DMD: variants seen among roughly 807,000 people sequenced by gnomAD.
DMD encodes dystrophin.
A neutral mutation model predicts 330.1 loss-of-function variants in DMD; 63 were observed. The ratio of observed to expected loss-of-function variants is 0.19; its 90% CI spans 0.16 to 0.24. The LOEUF (loss-of-function observed/expected upper bound fraction) is 0.24, where lower values mean the gene tolerates loss of function less well. Among genes scored for constraint, DMD ranks in the 10% least tolerant of loss-of-function variants. The pLI is 1.00. For synonymous variants in DMD, 1,223 were observed against 959.8 expected (o/e 1.27, Z -5.07); for missense variants, 3,344 against 2,684.1 (o/e 1.25, Z -5.43).
intron 62 of DMD, among the ~76,000 whole-genome samples, chrX:31,312,895 T>C (rs1043103865): frequency 3.6e-5 from 4 of 109,853 alleles, no homozygotes; most frequent in African/African-American, 1.3e-4. Context: ...CAAGTGAGAG[T>C]TGAACATTAA....
intron 55 of DMD, among the ~76,000 whole-genome samples, chrX:31,623,424 C>G (rs937925264): frequency 1.8e-5 from 2 of 110,689 alleles, no homozygotes; most frequent in African/African-American, 6.6e-5. Context: ...CCACCACACC[C>G]GGCTAATTTT....
chrX:32,396,693 T>C (rs2098046790), intron 30 of DMD, among the ~76,000 whole-genome samples: 1 of 111,622 alleles, frequency 9.0e-6, no homozygotes, highest in African/African-American at 3.2e-5. Flanking sequence ...TTAATAATAA[T>C]TCAATTCATT....
chrX:31,833,310 GA>G (rs1258774129), intron 49 of DMD, among the ~76,000 whole-genome samples: 1 of 65,447 alleles, frequency 1.5e-5, no homozygotes, highest in African/African-American at 8.4e-5. Context: ...GGGAGAGAGG[GA>G]GAGAGGGAGA....
At chrX:32,095,952 A>G (rs928143384) in intron 44 of DMD, among the ~76,000 whole-genome samples, 2 of 110,536 alleles carry the variant, frequency 1.8e-5, no homozygotes, top group African/African-American at 6.6e-5. Context: ...CATGTGCACA[A>G]CATGCAGGTT....
intron 44 of DMD, among the ~76,000 whole-genome samples, chrX:32,187,852 G>A (rs752103045): frequency 9.0e-6 from 1 of 110,669 alleles, no homozygotes; most frequent in South Asian, 3.7e-4. Flanking sequence ...AACAAAGCAC[G>A]AACACGGTAT....
rs183903234 is a variant in DMD at position 32,802,085 on chromosome X, T to C, written c.649+7408A>G. Among the ~76,000 whole-genome samples the C allele has an allele frequency of 7.0e-3, 785 of 112,109 alleles. 2 individuals are homozygous for C. The highest frequency in any genetic ancestry group is 0.022 in the Admixed American group (233 of 10,565). Reference sequence around the variant, plus strand: ...GCTTAATGAGGTAACATTGAATCTATAAATTACTTCGGGCAGTATGGCCAT... The same window carrying C: ...GCTTAATGAGGTAACATTGAATCTACAAATTACTTCGGGCAGTATGGCCAT... On this transcript the variant is annotated intron_variant, in intron 7 of 78. Coordinates refer to ENST00000357033, the MANE Select transcript of DMD (RefSeq NM_004006.3).
intron 2 of DMD, among the ~76,000 whole-genome samples, chrX:32,925,678 A>G (rs1490820769): frequency 1.8e-5 from 2 of 112,243 alleles, no homozygotes; most frequent in Non-Finnish European, 3.8e-5. Context: ...CATGATAACT[A>G]AAATTAGTTA....
chrX:31,544,810 G>GT (rs756878995), intron 55 of DMD, among the ~76,000 whole-genome samples: 1 of 111,330 alleles, frequency 9.0e-6, no homozygotes, highest in Non-Finnish European at 1.9e-5. Flanking sequence ...TTTCTCCCCT[G>GT]TAAGAGTCAA....
chrX:32,814,318 T>C (rs2077570278), intron 6 of DMD, among the ~76,000 whole-genome samples: 2 of 112,366 alleles, frequency 1.8e-5, no homozygotes, highest in South Asian at 7.3e-4. Context: ...GGTATTGTAG[T>C]GGACTTTGCG....
Position 31,157,877 on chromosome X carries a change from C to A in DMD, c.10554-10359G>T, listed in dbSNP as rs188453524. The stretch of plus-strand genomic sequence containing the variant: ...GGAGTGCAGTGGTGTAATCATAGCT[C>A]ACTGTAACCTTGAATTCCTGGGCTC... On this transcript the variant is annotated intron_variant, in intron 74 of 78. Transcript: ENST00000357033. 2.6e-3 allele frequency among the ~76,000 whole-genome samples: 277 copies of A among 107,180 alleles called. 1 individual carries two copies. Among genetic ancestry groups the A allele is most frequent in the African/African-American group, 9.1e-3 (267 of 29,202 alleles). 93.1% of individuals were successfully genotyped at this position (107,180 alleles called of 115,157 possible).
At chrX:32,815,788 A>G (rs1023447944) in intron 6 of DMD, among the ~76,000 whole-genome samples, 2 of 110,388 alleles carry the variant, frequency 1.8e-5, no homozygotes, top group Non-Finnish European at 3.8e-5. Flanking sequence ...AATTCTTTTT[A>G]TTAAAATCCA....
rs142424527 is a variant in DMD, at chrX:32,786,752, T to G, written c.649+22741A>C. On this transcript the variant is annotated intron_variant, in intron 7 of 78. Transcript: ENST00000357033. Reference sequence around the variant, plus strand: ...AGGAATATTCTGCCATAAGATTATATTCTGTAGTAGTTACAAGTAGGGAAT... The same window carrying G: ...AGGAATATTCTGCCATAAGATTATAGTCTGTAGTAGTTACAAGTAGGGAAT... Among the ~76,000 whole-genome samples, 117 of 112,007 alleles carry G rather than the reference T, an allele frequency of 1.0e-3. 1 individual carries two copies. The East Asian group carries it at 0.028, about 27-fold the overall frequency.
At chrX:32,056,405 A>T (rs867166031) in intron 44 of DMD, among the ~76,000 whole-genome samples, 1 of 108,723 alleles carries the variant, frequency 9.2e-6, no homozygotes, top group African/African-American at 3.3e-5. Flanking sequence ...AAAAAAAAAA[A>T]AAAAGGAAAA....
chrX:33,281,148 T>G (rs2053324328), intron 1 of DMD, among the ~76,000 whole-genome samples: 1 of 111,663 alleles, frequency 9.0e-6, no homozygotes. Flanking sequence ...ATTCTGTGCA[T>G]GTTTTGTTAG....
intron 7 of DMD, among the ~76,000 whole-genome samples, chrX:32,758,834 CT>C (rs1223356620): frequency 1.8e-5 from 2 of 111,717 alleles, no homozygotes; most frequent in Non-Finnish European, 3.8e-5. Context: ...GCAGCATCCC[CT>C]GCCTGTCTCC....
At chrX:32,852,124 GA>G (rs2081185621) in intron 2 of DMD, among the ~76,000 whole-genome samples, 1 of 111,648 alleles carries the variant, frequency 9.0e-6, no homozygotes, top group Admixed American at 9.5e-5. Flanking sequence ...AGCTTTGAGA[GA>G]GACTGCTTCT....
At chrX:31,274,205 G>A (rs191884125) in intron 62 of DMD, among the ~76,000 whole-genome samples, 2 of 112,240 alleles carry the variant, frequency 1.8e-5, no homozygotes, top group African/African-American at 3.2e-5. Flanking sequence ...AAGGAAGCAA[G>A]TAGGAAAAGT....
chrX:31,797,814 A>G (rs749736816), intron 50 of DMD, among the ~76,000 whole-genome samples: 37 of 111,476 alleles, frequency 3.3e-4, no homozygotes, highest in African/African-American at 1.1e-3. Flanking sequence ...AAATCAGAGG[A>G]GATAAGGGAC....
chrX:32,283,040 C>T (rs1569555853), intron 43 of DMD, among the ~76,000 whole-genome samples: 1 of 111,994 alleles, frequency 8.9e-6, no homozygotes, highest in African/African-American at 3.2e-5. Context: ...TTCACAGGAG[C>T]AGAGGCCATG....
Sources: allele counts gnomAD v4.1 joint callset (sites outside exome capture counted in the v4.1 genomes callset), GRCh38; gene constraint gnomAD v4.1.1; transcripts MANE v1.5; gene names NCBI Gene and HGNC (gene_info 2026-07-23, HGNC 2026-07-21).